The following ZFP64 variants were observed in gnomAD, a reference collection of about 807,000 sequenced individuals.
ZFP64 encodes ZFP64 zinc finger protein.
ZFP64 carries 14 observed loss-of-function variants against 51.6 expected under a neutral mutation model. The ratio of observed to expected loss-of-function variants is 0.27; its 90% CI spans 0.18 to 0.42. The LOEUF (loss-of-function observed/expected upper bound fraction) is 0.42. ZFP64 is among the 10% of genes least tolerant of loss of function. The pLI, the probability that ZFP64 is intolerant of heterozygous loss-of-function variation, is 1.00. For missense variants in ZFP64, 754 were observed against 906.8 expected (o/e 0.83, Z 2.16); for synonymous variants, 375 against 361.4 (o/e 1.04, Z -0.43).
downstream of ZFP64, among the ~76,000 whole-genome samples, chr20:52,147,499 T>C (rs891592158): frequency 6.6e-6 from 1 of 152,098 alleles, no homozygotes; most frequent in Non-Finnish European, 1.5e-5. Flanking sequence ...AAATAAGTAG[T>C]AAAAATATTC....
chr20:52,091,137 A>G (rs2078922150), intron 7 of ZFP64, among the ~76,000 whole-genome samples: 1 of 152,014 alleles, frequency 6.6e-6, no homozygotes. Context: ...AATCACATCA[A>G]ATATCAGATA....
intron 2 of ZFP64, among the ~76,000 whole-genome samples, chr20:52,183,929 C>T (rs1175377864): frequency 2.0e-5 from 3 of 152,184 alleles, no homozygotes; most frequent in East Asian, 1.9e-4. Context: ...ACTCTCACTG[C>T]AGCCTCTGCC....
Position 52,160,171 on chromosome 20 carries a change from C to T in ZFP64, c.715G>A (p.Ala239Thr), listed in dbSNP as rs117888444. ...RPFKCQICPY[A>T]SRNSSQLTVH... ...GTGAGCTGGCTGGAGTTGCGGCTGG[C>T]GTAGGGGCAGATCTGGCATTTGAAG... The change falls in exon 5 of 6, where the codon GCC becomes ACC. Residue 239 changes from alanine (A) to threonine (T), a missense_variant. Transcript: ENST00000216923. The surrounding 1 kb of genome is among the most constrained non-coding windows in gnomAD (Gnocchi z 4.2). The T allele has an allele frequency of 5.0e-6, 8 of 1,613,384 alleles. No homozygotes were observed. The highest frequency in any genetic ancestry group is 3.3e-5 in the Admixed American group (2 of 59,978).
intron 5 of ZFP64, among the ~76,000 whole-genome samples, chr20:52,101,989 G>A (rs2079056333): frequency 1.4e-5 from 2 of 147,970 alleles, no homozygotes; most frequent in Non-Finnish European, 1.5e-5. Context: ...GCATGTGCCT[G>A]TAATCCCAGC....
Position 52,153,335 on chromosome 20 carries a change from G to A in ZFP64, c.857C>T (p.Pro286Leu). 1 of 1,614,196 alleles carries A rather than the reference G, an allele frequency of 6.2e-7. No homozygotes were observed. Among genetic ancestry groups the A allele is most frequent in the Non-Finnish European group, 8.5e-7 (1 of 1,180,046 alleles). ...RHMRVHSGEK[P>L]FKCEFCNVRC... Reference sequence around the variant, plus strand: ...GACATTGCAGAACTCGCACTTGAAAGGCTTCTCCCCCGAGTGCACCCGCAT... The same window carrying A: ...GACATTGCAGAACTCGCACTTGAAAAGCTTCTCCCCCGAGTGCACCCGCAT... Residue 286 changes from proline (P) to leucine (L), a missense_variant, in exon 6 of 6, where the codon CCT (proline) becomes CTT (leucine). This residue lies in a region of ZFP64 where 231 missense variants were observed against 336.7 expected (regional missense o/e 0.69). Transcript: ENST00000216923. This position sits in a 1 kb window ranked among gnomAD's most constrained non-coding sequence, Gnocchi z 5.1.
chr20:52,104,887 G>T (rs879784294), intron 5 of ZFP64: 3 of 672,702 alleles, frequency 4.5e-6, no homozygotes, highest in African/African-American at 1.8e-5. Context: ...AGGCAAACTC[G>T]TTGACTAGCT....
In ZFP64 at chr20:52,090,838, A is replaced by C. The variant is rs1369366684; in HGVS notation, c.977-2195T>G. Among the ~76,000 whole-genome samples the C allele has an allele frequency of 2.9e-5, 4 of 137,858 alleles. No homozygotes were observed. The East Asian group carries it at 8.4e-4, about 29-fold the overall frequency. 90.4% of individuals were successfully genotyped at this position (137,858 alleles called of 152,430 possible). A position where few individuals can be genotyped will look rare whatever the true frequency, so the allele number is the denominator to read the frequency against. On this transcript the variant is annotated intron_variant, in intron 7 of 8. Coordinates refer to the ZFP64 transcript ENST00000361387. ...CAGACTTGGTTGGGCACAATGGCTC[A>C]CATCTGTAATCCCAACACTTTTGAG...
intron 5 of ZFP64, among the ~76,000 whole-genome samples, chr20:52,140,740 A>G (rs1163598437): frequency 6.6e-6 from 1 of 152,224 alleles, no homozygotes; most frequent in East Asian, 1.9e-4. Flanking sequence ...TCGTTGATGA[A>G]GGAGGCTACA....
At chr20:52,109,780 CAAAAAAAA>C (rs779914417) in intron 5 of ZFP64, among the ~76,000 whole-genome samples, 3 of 46,136 alleles carry the variant, frequency 6.5e-5, no homozygotes, top group South Asian at 8.5e-4. Context: ...AATTCCACCT[CAAAAAAAA>C]AAAAAAAAAA....
At chr20:52,187,119 A>G in intron 1 of ZFP64, 48 bp from the exon 2 acceptor site, 1 of 1,567,638 alleles carries the variant, frequency 6.4e-7, no homozygotes, top group Non-Finnish European at 8.7e-7. Context: ...AACAGCTTTG[A>G]ATTGTAATGC....
At chr20:52,171,328 C>T (rs566809585) in intron 2 of ZFP64, among the ~76,000 whole-genome samples, 6 of 152,182 alleles carry the variant, frequency 3.9e-5, no homozygotes, top group East Asian at 1.9e-4. Context: ...ATGCCGGAGT[C>T]GCCACTCATC....
chr20:52,178,031 C>CAA (rs112472792), intron 2 of ZFP64, among the ~76,000 whole-genome samples: 147 of 86,152 alleles, frequency 1.7e-3, no homozygotes, highest in African/African-American at 2.3e-3. Context: ...GCCTCTGTCT[C>CAA]AAAAAAAAAA....
At chr20:52,124,330 A>G (rs971092228) in intron 5 of ZFP64, among the ~76,000 whole-genome samples, 9 of 152,174 alleles carry the variant, frequency 5.9e-5, no homozygotes, top group Non-Finnish European at 1.2e-4. Flanking sequence ...AGAAACCACT[A>G]CAAGTGATTG....
intron 7 of ZFP64, among the ~76,000 whole-genome samples, chr20:52,092,919 ACT>A (rs2078943889): frequency 1.3e-5 from 2 of 152,132 alleles, no homozygotes; most frequent in African/African-American, 2.4e-5. Context: ...CTAAAGATCT[ACT>A]CTCTAAGGTA....
chr20:52,123,729 T>C lies in ZFP64; in HGVS notation c.764-25142A>G, dbSNP rs557049296. ...TGTTACTACCTGGGCCTCATAAACA[T>C]TGGAGTCCTGGTTTCAAAGTTGCTT... On this transcript the variant is annotated intron_variant, in intron 5 of 8. Transcript: ENST00000361387. 2.6e-5 allele frequency among the ~76,000 whole-genome samples: 4 copies of C among 152,322 alleles called. No homozygotes were observed. In the East Asian group the frequency reaches 5.8e-4, roughly 22 times the overall value.
chr20:52,125,967 C>T (rs780251493), intron 5 of ZFP64, among the ~76,000 whole-genome samples: 2 of 152,024 alleles, frequency 1.3e-5, no homozygotes, highest in African/African-American at 2.4e-5. Context: ...CTGCAACCTC[C>T]GCGCCCTGGG....
chr20:52,132,748 G>A (rs1164578861), intron 5 of ZFP64, among the ~76,000 whole-genome samples: 2 of 152,144 alleles, frequency 1.3e-5, no homozygotes, highest in South Asian at 2.1e-4. Flanking sequence ...CCTGGGACTC[G>A]ATGGCTTCAC....
At chr20:52,173,128 C>T (rs935980711) in intron 2 of ZFP64, among the ~76,000 whole-genome samples, 3 of 152,180 alleles carry the variant, frequency 2.0e-5, no homozygotes, top group Non-Finnish European at 4.4e-5. Flanking sequence ...CATCTCAAGA[C>T]AGCTTTGATA....
chr20:52,188,768 C>T (rs1017751612), intron 1 of ZFP64, among the ~76,000 whole-genome samples: 9 of 151,590 alleles, frequency 5.9e-5, no homozygotes, highest in East Asian at 2.0e-4. Context: ...GTCAGGAGAG[C>T]GAGACCATCC....
Sources: allele counts gnomAD v4.1 joint callset (sites outside exome capture counted in the v4.1 genomes callset), GRCh38; gene constraint gnomAD v4.1.1; regional missense constraint gnomAD v4.1.1; non-coding constraint Gnocchi (gnomAD v3.1); transcripts MANE v1.5; gene names NCBI Gene and HGNC (gene_info 2026-07-23, HGNC 2026-07-21).